DNAH12: variants seen among roughly 807,000 people sequenced by gnomAD.
DNAH12 encodes axonemal beta dynein heavy chain 12.
Under a neutral mutation model 371.5 loss-of-function variants are expected in DNAH12, and 285 were observed. That is an observed-to-expected ratio of 0.77 (90% CI 0.70 to 0.85). DNAH12 has a LOEUF of 0.85. DNAH12 is among the 40% of genes least tolerant of loss of function. The probability of loss-of-function intolerance (pLI) is 0.00; values close to 1 mark genes in which losing one functional copy is unlikely to be tolerated. For missense variants in DNAH12, 3,611 were observed against 3,689.4 expected, an observed-to-expected ratio of 0.98 and a Z score of 0.55; for synonymous variants, 1,200 against 1,213.0, an observed-to-expected ratio of 0.99 and a Z score of 0.22.
At chr3:57,427,409 G>A (rs191361800) in intron 34 of DNAH12, among the ~76,000 whole-genome samples, 101 of 151,686 alleles carry the variant, frequency 6.7e-4, no homozygotes, top group African/African-American at 2.1e-3. Context: ...AAGATTGGCC[G>A]GATGCGGTTG....
chr3:57,483,498 A>G lies in DNAH12; in HGVS notation c.1528T>C (p.Phe510Leu), dbSNP rs750844919. Reference sequence around the variant, plus strand: ...AATGCATGTTCTTTAATTGCTTCAAATTCACTGCAAATACTGACATAATAC... The same window carrying G: ...AATGCATGTTCTTTAATTGCTTCAAGTTCACTGCAAATACTGACATAATAC... Reference protein sequence around the residue: ...RKENECICSEFEAIKEHALKV... With the variant: ...RKENECICSELEAIKEHALKV... Residue 510 changes from phenylalanine (F) to leucine (L), a missense_variant, in exon 13 of 74, where the codon TTT (phenylalanine) becomes CTT (leucine). Phe to Leu is a conservative substitution (Grantham distance 22). Transcript: ENST00000495027. The G allele has an allele frequency of 6.1e-5, 94 of 1,549,916 alleles. No individual in the cohort carries two copies. The highest frequency in any genetic ancestry group is 1.6e-4 in the Admixed American group (8 of 50,598).
intron 37 of DNAH12, among the ~76,000 whole-genome samples, chr3:57,418,226 A>T (rs959244323): frequency 6.6e-6 from 1 of 151,772 alleles, no homozygotes; most frequent in African/African-American, 2.4e-5. Flanking sequence ...CTTATTTAAA[A>T]GTATTATTCT....
At chr3:57,481,789 T>C (rs1220069905) in intron 13 of DNAH12, among the ~76,000 whole-genome samples, 1 of 151,392 alleles carries the variant, frequency 6.6e-6, no homozygotes, top group Non-Finnish European at 1.5e-5. Context: ...CATCTGATCT[T>C]TGACAAACCT....
intron 36 of DNAH12, among the ~76,000 whole-genome samples, chr3:57,420,438 T>C (rs537491800): frequency 1.3e-5 from 2 of 152,300 alleles, no homozygotes; most frequent in South Asian, 4.1e-4. Flanking sequence ...TAATTCATAT[T>C]TGTATTTTTT....
chr3:57,375,116 C>T (rs2063256431), intron 55 of DNAH12, among the ~76,000 whole-genome samples: 1 of 152,192 alleles, frequency 6.6e-6, no homozygotes, highest in Admixed American at 6.5e-5. Context: ...TGATGATATG[C>T]ATGCTGAAGT....
intron 13 of DNAH12, among the ~76,000 whole-genome samples, chr3:57,476,987 C>T (rs1020346193): frequency 3.3e-5 from 5 of 152,128 alleles, no homozygotes; most frequent in Non-Finnish European, 7.3e-5. Flanking sequence ...GTCTACAGCT[C>T]CCAGTGTGAG....
At chr3:57,424,812 G>C (rs1372900683) in intron 35 of DNAH12, among the ~76,000 whole-genome samples, 1 of 150,112 alleles carries the variant, frequency 6.7e-6, no homozygotes, top group East Asian at 2.0e-4. Context: ...AAAAAAGATA[G>C]TTTTGGTTCC....
chr3:57,437,148 T>A, intron 29 of DNAH12, 88 bp from the exon 30 acceptor site: 1 of 838,658 alleles, frequency 1.2e-6, no homozygotes, highest in Non-Finnish European at 1.8e-6. Context: ...AATTTACTAG[T>A]TAAAAAAAAA....
At chr3:57,337,222 C>T (rs782129510) in intron 60 of DNAH12, among the ~76,000 whole-genome samples, 1 of 152,274 alleles carries the variant, frequency 6.6e-6, no homozygotes, top group East Asian at 1.9e-4. Context: ...AATACATGCA[C>T]CTGGCCAGGC....
Position 57,323,265 on chromosome 3 carries a change from A to T in DNAH12, c.10130-5T>A. The T allele has an allele frequency of 1.3e-6, 2 of 1,548,922 alleles. No individual in the cohort carries two copies. The highest frequency in any genetic ancestry group is 1.7e-6 in the Non-Finnish European group (2 of 1,146,014). On this transcript the variant is annotated splice_region_variant and splice_polypyrimidine_tract_variant and intron_variant, in intron 63 of 73. Transcript: ENST00000495027. The stretch of plus-strand genomic sequence containing the variant: ...CATTTGCAAATTTCAGCAGGCCTAT[A>T]AGAGGCACAAAAAAATGGTCACACT...
intron 16 of DNAH12, among the ~76,000 whole-genome samples, chr3:57,469,628 C>G (rs1303809869): frequency 6.6e-6 from 1 of 152,192 alleles, no homozygotes; most frequent in Non-Finnish European, 1.5e-5. Flanking sequence ...GGTACATATA[C>G]ACCATGGAAT....
At chr3:57,522,205 C>T (rs1345727243) in intron 4 of DNAH12, among the ~76,000 whole-genome samples, 4 of 151,606 alleles carry the variant, frequency 2.6e-5, no homozygotes, top group Non-Finnish European at 4.4e-5. Context: ...GCCTGGGCAA[C>T]AGAGTGAGAC....
rs1579452373 is a variant in DNAH12 at position 57,296,275 on chromosome 3, C to T, written c.11624+69G>A. ...CTTAAAAGAGGACTTTTTTTTTAAGCAACAGATTGCTTATCTTATCTATGA... is the reference window on the plus strand; with the variant it reads ...CTTAAAAGAGGACTTTTTTTTTAAGTAACAGATTGCTTATCTTATCTATGA... On this transcript the variant is annotated intron_variant, in intron 72 of 73. Transcript: ENST00000495027. The T allele has an allele frequency of 4.1e-6, 5 of 1,216,720 alleles. No homozygotes were observed. In the Admixed American group the frequency reaches 7.5e-5, roughly 18 times the overall value. 75.4% of individuals were successfully genotyped at this position (1,216,720 alleles called of 1,614,324 possible).
chr3:57,499,014 A>AACAAAC (rs57477935), intron 11 of DNAH12, among the ~76,000 whole-genome samples: 85,115 of 151,546 alleles, frequency 0.56, 24,050 homozygotes, highest in African/African-American at 0.6. Context: ...CAAAAACAAA[A>AACAAAC]ACACACACAC....
chr3:57,423,077 G>A (rs2064642823), intron 35 of DNAH12, among the ~76,000 whole-genome samples: 2 of 152,112 alleles, frequency 1.3e-5, no homozygotes, highest in South Asian at 4.1e-4. Flanking sequence ...GACTGCTATG[G>A]AAAAGTGGGG....
intron 69 of DNAH12, 51 bp from the exon 70 acceptor site, chr3:57,301,990 G>A (rs994398233): frequency 2.5e-5 from 37 of 1,504,072 alleles, no homozygotes; most frequent in African/African-American, 5.6e-5. Flanking sequence ...ATCAACATAC[G>A]GTCTTTCCAG....
chr3:57,446,718 A>G, intron 25 of DNAH12, 29 bp from the exon 26 acceptor site: 2 of 1,454,556 alleles, frequency 1.4e-6, no homozygotes, highest in South Asian at 1.5e-5. Flanking sequence ...GTGAAAAGAA[A>G]TCCATGCTTA....
chr3:57,428,383 G>T, intron 34 of DNAH12: 1 of 1,389,034 alleles, frequency 7.2e-7, no homozygotes, highest in Non-Finnish European at 9.7e-7. Flanking sequence ...AAAATAATTT[G>T]AAATACGGAA....
chr3:57,473,675 A>T (rs146355153), intron 13 of DNAH12, among the ~76,000 whole-genome samples: 2,070 of 137,810 alleles, frequency 0.015, 60 homozygotes, highest in African/African-American at 0.052. Context: ...ATTTTATATT[A>T]TACATATGTA....
Sources: allele counts gnomAD v4.1 joint callset (sites outside exome capture counted in the v4.1 genomes callset), GRCh38; gene constraint gnomAD v4.1.1; transcripts MANE v1.5; gene names NCBI Gene and HGNC (gene_info 2026-07-23, HGNC 2026-07-21).